Variants in KIRREL3 observed in about 807,000 individuals in gnomAD.
KIRREL3 encodes kin of IRRE-like protein 3.
KIRREL3 carries 36 observed loss-of-function variants against 89.7 expected under a neutral mutation model. That is an observed-to-expected ratio of 0.40 (90% CI 0.31 to 0.53). KIRREL3 has a LOEUF of 0.53. Among genes scored for constraint, KIRREL3 ranks in the 20% least tolerant of loss-of-function variants. KIRREL3 has a pLI of 0.49. For synonymous variants in KIRREL3, 445 were observed against 441.4 expected (o/e 1.01, Z -0.10); for missense variants, 864 against 1,056.6 (o/e 0.82, Z 2.53).
At chr11:126,688,497 G>A (rs974130769) in intron 1 of KIRREL3, among the ~76,000 whole-genome samples, 6 of 152,030 alleles carry the variant, frequency 3.9e-5, no homozygotes, top group Non-Finnish European at 7.4e-5. Context: ...GGAGCTAAAC[G>A]TCAATATTGC....
At chr11:126,469,112 T>A (rs950888951) in intron 5 of KIRREL3, among the ~76,000 whole-genome samples, 2 of 152,206 alleles carry the variant, frequency 1.3e-5, no homozygotes, top group African/African-American at 4.8e-5. Flanking sequence ...GCTGCTGTCG[T>A]TCCCATTGTA....
chr11:126,862,449 T>C (rs1164792582), intron 1 of KIRREL3, among the ~76,000 whole-genome samples: 1 of 152,244 alleles, frequency 6.6e-6, no homozygotes, highest in African/African-American at 2.4e-5. Context: ...CCATTCCTCC[T>C]GGGAGCTGCT....
intron 2 of KIRREL3, among the ~76,000 whole-genome samples, chr11:126,538,846 A>G (rs969933199): frequency 2.6e-5 from 4 of 152,142 alleles, no homozygotes; most frequent in Non-Finnish European, 5.9e-5. Context: ...GCGGGGAGGC[A>G]AATATGTGCA....
intron 1 of KIRREL3, among the ~76,000 whole-genome samples, chr11:126,619,627 C>T (rs1170328859): frequency 1.3e-5 from 2 of 152,220 alleles, no homozygotes; most frequent in Admixed American, 1.3e-4. Context: ...GAATTACAAA[C>T]CAGACTTTAG....
At position 126,471,124 on chromosome 11, in the gene KIRREL3, G is replaced by A. The variant is rs931753305; in HGVS notation, c.591+2185C>T. On this transcript the variant is annotated intron_variant, in intron 5 of 16. Coordinates refer to ENST00000525144, the MANE Select transcript of KIRREL3 (RefSeq NM_032531.4). The surrounding 1 kb of genome is among the most constrained non-coding windows in gnomAD (Gnocchi z 5.4). ...TGTAATCCCAGCACTTTGGGAGGCT[G>A]AGGCAGGTGGATCACCTGAGGTCGG... Among the ~76,000 whole-genome samples, 2 of 152,172 alleles carry A rather than the reference G, an allele frequency of 1.3e-5. No individual in the cohort carries two copies. The highest frequency in any genetic ancestry group is 4.8e-5 in the African/African-American group (2 of 41,436).
intron 1 of KIRREL3, among the ~76,000 whole-genome samples, chr11:126,774,778 T>A (rs1460974501): frequency 6.6e-6 from 1 of 152,200 alleles, no homozygotes; most frequent in Non-Finnish European, 1.5e-5. Context: ...ACAGAGACGC[T>A]GACCCATCTT....
rs1940953372 is a variant in KIRREL3 at position 126,571,840 on chromosome 11, GC to G, written c.56-8929del. Among the ~76,000 whole-genome samples, 4 of 152,326 alleles carry G rather than the reference GC, an allele frequency of 2.6e-5. No individual in the cohort carries two copies. The South Asian group carries it at 8.3e-4, about 32-fold the overall frequency. ...TTATCCCATGTGCAAGGATGCCTCA[GC>G]CCGTCTCTGATTTAACGTATCTAAT... On this transcript the variant is annotated intron_variant, in intron 1 of 16. Transcript: ENST00000525144. The surrounding 1 kb of genome is among the most constrained non-coding windows in gnomAD (Gnocchi z 7.7).
rs551683790 is a variant in KIRREL3, at chr11:126,747,903, G to A, written c.56-184991C>T. On this transcript the variant is annotated intron_variant, in intron 1 of 16. Transcript: ENST00000525144. This position sits in a 1 kb window ranked among gnomAD's most constrained non-coding sequence, Gnocchi z 4.7. ...CTGGAAGACTCCCCTCCAGACAGGC[G>A]TTGCGGTCTTTCCCTATCCCACAGG... Among the ~76,000 whole-genome samples the A allele has an allele frequency of 6.6e-5, 10 of 152,154 alleles. No individual in the cohort carries two copies. The highest frequency in any genetic ancestry group is 1.2e-4 in the African/African-American group (5 of 41,532).
rs1943004504 is a variant in KIRREL3, at chr11:126,608,910, C to T, written c.56-45998G>A. Among the ~76,000 whole-genome samples, 1 of 152,194 alleles carries T rather than the reference C, an allele frequency of 6.6e-6. No individual in the cohort carries two copies. The highest frequency in any genetic ancestry group is 2.4e-5 in the African/African-American group (1 of 41,436). On this transcript the variant is annotated intron_variant, in intron 1 of 16. Transcript: ENST00000525144. This position sits in a 1 kb window ranked among gnomAD's most constrained non-coding sequence, Gnocchi z 4.9. ...GGGATGGAGAAGCAGCTCTGGAGCC[C>T]AGCTTGCTGTTAGCCCTGAGAAACA...
intron 1 of KIRREL3, among the ~76,000 whole-genome samples, chr11:126,707,486 T>C (rs1051573373): frequency 2.0e-5 from 3 of 152,168 alleles, no homozygotes; most frequent in Non-Finnish European, 4.4e-5. Context: ...CTTGGTCATA[T>C]ACTAACTGCC....
In KIRREL3 at chr11:126,436,905, G is replaced by C; in HGVS notation, c.1458C>G (p.Ser486Arg). 1.2e-6 allele frequency: 2 copies of C among 1,613,580 alleles called. No homozygotes were observed. Among genetic ancestry groups the C allele is most frequent in the South Asian group, 1.1e-5 (1 of 91,052 alleles). Residue 486 changes from serine to arginine, a missense_variant, in exon 12 of 17, where the codon AGC becomes AGG. By Grantham distance (110) the Ser-to-Arg change is moderately radical. Transcript: ENST00000525144. Reference sequence around the variant, plus strand: ...TCTGGAAGTCGGCCCGCACGATGTTGCTGATGGTCAGGGTGGAGATGACGC... The same window carrying C: ...TCTGGAAGTCGGCCCGCACGATGTTCCTGATGGTCAGGGTGGAGATGACGC... ...EEGVISTLTI[S>R]NIVRADFQTI...
intron 1 of KIRREL3, among the ~76,000 whole-genome samples, chr11:126,932,308 C>T (rs976357396): frequency 2.0e-5 from 3 of 152,188 alleles, no homozygotes; most frequent in Non-Finnish European, 2.9e-5. Context: ...TCTGCTTAGC[C>T]TCACACACAT....
chr11:126,934,129 A>T (rs975477544), intron 1 of KIRREL3, among the ~76,000 whole-genome samples: 3 of 152,238 alleles, frequency 2.0e-5, no homozygotes, highest in South Asian at 2.1e-4. Context: ...GGACATATAG[A>T]TCAATGAAGC....
chr11:126,529,540 T>C (rs1222384634), intron 2 of KIRREL3, among the ~76,000 whole-genome samples: 1 of 151,198 alleles, frequency 6.6e-6, no homozygotes, highest in Non-Finnish European at 1.5e-5. Flanking sequence ...ATCCCACAGG[T>C]TGCAGTGAGC....
chr11:126,817,628 G>A lies in KIRREL3; in HGVS notation c.55+182827C>T, dbSNP rs186411769. Among the ~76,000 whole-genome samples the A allele has an allele frequency of 5.4e-4, 83 of 152,320 alleles. No homozygotes were observed. The highest frequency in any genetic ancestry group is 1.9e-3 in the African/African-American group (80 of 41,548). On this transcript the variant is annotated intron_variant, in intron 1 of 16. Transcript: ENST00000525144. The surrounding 1 kb of genome is among the most constrained non-coding windows in gnomAD (Gnocchi z 5.7). ...CTTCCAGCCTATGTGGCTGCAAAAT[G>A]ACACTTGTAAAATGACATGCAGAAG...
chr11:126,854,670 G>A (rs11602292), intron 1 of KIRREL3, among the ~76,000 whole-genome samples: 1,533 of 152,274 alleles, frequency 0.01, 16 homozygotes, highest in Non-Finnish European at 0.015. Flanking sequence ...TGTGAATAAT[G>A]TTGCCATGAA....
intron 1 of KIRREL3, among the ~76,000 whole-genome samples, chr11:126,726,988 C>CT (rs2134183886): frequency 6.6e-6 from 1 of 152,338 alleles, no homozygotes; most frequent in African/African-American, 2.4e-5. Context: ...GCCTTACCCT[C>CT]TGGGACACGC....
At chr11:126,502,699 C>T (rs1957899127) in intron 4 of KIRREL3, among the ~76,000 whole-genome samples, 1 of 152,224 alleles carries the variant, frequency 6.6e-6, no homozygotes, top group East Asian at 1.9e-4. Flanking sequence ...GAAATGTTTC[C>T]TAGTTTGACA....
intron 2 of KIRREL3, among the ~76,000 whole-genome samples, chr11:126,547,617 T>A (rs953741059): frequency 2.0e-5 from 3 of 152,158 alleles, no homozygotes; most frequent in Non-Finnish European, 4.4e-5. Flanking sequence ...CTCTGGGCAG[T>A]GCAGAAAATT....
Sources: gnomAD v4.1 joint callset for allele counts (sites outside exome capture counted in the v4.1 genomes callset) on GRCh38, gnomAD v4.1.1 for gene constraint, Gnocchi (gnomAD v3.1) non-coding constraint, MANE v1.5 for transcripts, NCBI Gene and HGNC (gene_info 2026-07-23, HGNC 2026-07-21) for gene names.